Variants in CPZ observed in about 807,000 individuals in gnomAD.
The protein encoded by CPZ is VEZT/CPZ fusion.
In CPZ, 103 loss-of-function variants were observed where a neutral mutation model predicts 61.8. That is an observed-to-expected ratio of 1.67 (90% confidence interval 1.42 to 1.96). CPZ has a LOEUF of 1.96. CPZ is among the 30% of genes most tolerant of loss of function. The probability of loss-of-function intolerance (pLI) is 0.00; values close to 1 mark genes in which losing one functional copy is unlikely to be tolerated. For missense variants in CPZ, 1,461 were observed against 914.9 expected (o/e 1.60, Z -7.70); for synonymous variants, 551 against 373.7 (o/e 1.47, Z -5.47).
At chr4:8,610,795 C>T (rs1715587037) in intron 7 of CPZ, among the ~76,000 whole-genome samples, 1 of 152,166 alleles carries the variant, frequency 6.6e-6, no homozygotes, top group African/African-American at 2.4e-5. Context: ...ACCACAGGGC[C>T]TGAGTGGGGT....
chr4:8,603,816 T>C, intron 3 of CPZ, 160 bp from the exon 4 acceptor site: 2 of 660,516 alleles, frequency 3.0e-6, no homozygotes, highest in South Asian at 3.5e-5. Flanking sequence ...TTAGATATCG[T>C]TGTAGGCACT....
chr4:8,607,360 T>TAG lies in CPZ; in HGVS notation c.1163_1164insGA (p.Tyr388Ter), dbSNP rs780023309. The change falls in exon 7 of 11, where the codon TAC (tyrosine) becomes TAGAC (stop). Residue 388 changes from tyrosine to a stop codon, truncating the protein, a stop_gained and frameshift_variant. Coordinates refer to ENST00000360986, the MANE Select transcript of CPZ (RefSeq NM_001014447.3). LOFTEE classifies it high-confidence loss of function. ...SLHGGDLVVS[Y>*]PFDFSKHPQE... Reference sequence around the variant, plus strand: ...TCATGGGGGCGACCTGGTGGTGTCCTACCCCTTCGACTTCTCCAAGCACCC... The same window carrying TAG: ...TCATGGGGGCGACCTGGTGGTGTCCTAGACCCCTTCGACTTCTCCAAGCACCC... 3.4e-5 allele frequency: 55 copies of TAG among 1,613,976 alleles called. No homozygotes were observed. In the Admixed American group the frequency reaches 5.7e-4, roughly 17 times the overall value.
intron 4 of CPZ, 89 bp from the exon 5 acceptor site, chr4:8,605,900 C>G: frequency 7.6e-7 from 1 of 1,309,786 alleles, no homozygotes; most frequent in East Asian, 2.3e-5. Context: ...CCCAGCCCAT[C>G]TGGTCATTCT....
intron 3 of CPZ, chr4:8,602,619 AC>A (rs1308363195): frequency 6.6e-6 from 1 of 152,312 alleles, no homozygotes; most frequent in East Asian, 1.9e-4. Context: ...GGGAAGGGTG[AC>A]AGCAGTGGGG....
intron 9 of CPZ, chr4:8,618,068 A>G: frequency 6.6e-6 from 2 of 301,112 alleles, no homozygotes; most frequent in Non-Finnish European, 1.3e-5. Flanking sequence ...AGAGGGACCC[A>G]GGGAGTCCCG....
intron 1 of CPZ, among the ~76,000 whole-genome samples, chr4:8,593,454 A>ACC (rs1713948856): frequency 6.6e-6 from 1 of 152,108 alleles, no homozygotes; most frequent in African/African-American, 2.4e-5. Flanking sequence ...GAGGGAATGG[A>ACC]CGCAGGGATC....
intron 7 of CPZ, among the ~76,000 whole-genome samples, chr4:8,609,701 A>C (rs888025869): frequency 3.3e-5 from 5 of 152,226 alleles, no homozygotes; most frequent in African/African-American, 9.6e-5. Context: ...TCAGAACCAG[A>C]TGTGAGAAGA....
At chr4:8,612,912 A>G (rs1715834488) in intron 8 of CPZ, among the ~76,000 whole-genome samples, 3 of 152,182 alleles carry the variant, frequency 2.0e-5, no homozygotes, top group Non-Finnish European at 4.4e-5. Flanking sequence ...GCGGGCAGAG[A>G]AGGTGGCACT....
In CPZ at chr4:8,619,562, G is replaced by T; in HGVS notation, c.1904G>T (p.Trp635Leu). 1 of 1,547,278 alleles carries T rather than the reference G, an allele frequency of 6.5e-7. No individual in the cohort carries two copies. The highest frequency in any genetic ancestry group is 8.7e-7 in the Non-Finnish European group (1 of 1,146,484). Residue 635 changes from tryptophan to leucine, a missense_variant, in exon 11 of 11, where the codon TGG (tryptophan) becomes TTG (leucine). Physicochemically the swap from Trp to Leu is moderately conservative, Grantham distance 61. Transcript: ENST00000360986. ...GCCGACGGGAGTAAGCCCTGGTGGTGGTCCTACTTCACATCGCTGAGCACC... is the reference window on the plus strand; with the variant it reads ...GCCGACGGGAGTAAGCCCTGGTGGTTGTCCTACTTCACATCGCTGAGCACC... ...PSADGSKPWW[W>L]SYFTSLSTHR...
chr4:8,613,428 CCT>C (rs1715884467), intron 8 of CPZ, among the ~76,000 whole-genome samples: 1 of 152,222 alleles, frequency 6.6e-6, no homozygotes, highest in Non-Finnish European at 1.5e-5. Flanking sequence ...CTGCACCTGG[CCT>C]CTGTCCCTCT....
intron 5 of CPZ, among the ~76,000 whole-genome samples, 169 bp downstream of exon 5, chr4:8,606,354 G>A (rs1337088260): frequency 1.3e-5 from 2 of 152,242 alleles, no homozygotes; most frequent in Non-Finnish European, 2.9e-5. Context: ...TGGGGAGAAG[G>A]AAGGCACTGA....
chr4:8,608,642 G>GTGTGTGTGTGTGTATGCC (rs1560297206), intron 7 of CPZ, among the ~76,000 whole-genome samples: 1 of 154 alleles, frequency 6.5e-3, no homozygotes, highest in African/African-American at 0.011. Context: ...GTGAGTGCAC[G>GTGTGTGTGTGTGTATGCC]TGTGTGCGTG....
At chr4:8,609,137 T>TACTCATTCACCCACTCCCTC (rs1560297957) in intron 7 of CPZ, among the ~76,000 whole-genome samples, 1 of 29,302 alleles carries the variant, frequency 3.4e-5, no homozygotes, top group African/African-American at 1.4e-4. Flanking sequence ...TTCACTCATT[T>TACTCATTCACCCACTCCCTC]ACTCATTCAC....
intron 4 of CPZ, among the ~76,000 whole-genome samples, chr4:8,604,933 A>G (rs1714823831): frequency 1.3e-5 from 2 of 152,178 alleles, no homozygotes; most frequent in South Asian, 4.1e-4. Context: ...ATCTCTTACC[A>G]GGGGCCAGAG....
chr4:8,609,248 A>ATTCATTG (rs1161338296), intron 7 of CPZ, among the ~76,000 whole-genome samples: 124 of 65,640 alleles, frequency 1.9e-3, no homozygotes, highest in Non-Finnish European at 2.7e-3. Context: ...TCATTCACTC[A>ATTCATTG]TCACTCACTC....
chr4:8,610,270 C>T (rs1013926163), intron 7 of CPZ, among the ~76,000 whole-genome samples: 1 of 152,218 alleles, frequency 6.6e-6, no homozygotes, highest in Admixed American at 6.5e-5. Context: ...GGACCGACAG[C>T]TCCTCTGATG....
intron 1 of CPZ, chr4:8,597,571 G>A (rs1337806262): frequency 1.3e-5 from 2 of 152,204 alleles, no homozygotes; most frequent in Non-Finnish European, 2.9e-5. Context: ...CGCGCGTTGT[G>A]GGCGTCCGCG....
intron 8 of CPZ, among the ~76,000 whole-genome samples, chr4:8,614,119 G>A (rs569706604): frequency 6.6e-6 from 1 of 152,348 alleles, no homozygotes; most frequent in Non-Finnish European, 1.5e-5. Context: ...TGCAAAGTGG[G>A]GATCATATGG....
intron 9 of CPZ, among the ~76,000 whole-genome samples, chr4:8,617,733 G>A (rs4696871): frequency 0.41 from 62,001 of 152,008 alleles, 13,630 homozygotes; most frequent in Admixed American, 0.55. Context: ...CCTGCTCAGC[G>A]TGACCTTCAG....
Sources: gnomAD v4.1 joint callset for allele counts (sites outside exome capture counted in the v4.1 genomes callset) on GRCh38, gnomAD v4.1.1 for gene constraint, MANE v1.5 for transcripts, NCBI Gene and HGNC (gene_info 2026-07-23, HGNC 2026-07-21) for gene names.